FRZB: variants seen among roughly 807,000 people sequenced by gnomAD.
The protein encoded by FRZB is secreted frizzled-related protein 3.
In FRZB, 34 loss-of-function variants were observed where a neutral mutation model predicts 32.5. The observed-to-expected ratio is 1.05, with a 90% CI of 0.80 to 1.39. The LOEUF is 1.39. Among genes scored for constraint, FRZB ranks in the 40% most tolerant of loss-of-function variants. The pLI is 0.00. For missense variants in FRZB, 423 were observed against 424.8 expected, an observed-to-expected ratio of 1.00 and a Z score of 0.04; for synonymous variants, 170 against 159.2, an observed-to-expected ratio of 1.07 and a Z score of -0.51.
At chr2:182,850,343 C>T (rs943128650) in intron 2 of FRZB, among the ~76,000 whole-genome samples, 9 of 152,134 alleles carry the variant, frequency 5.9e-5, no homozygotes, top group African/African-American at 9.7e-5. Flanking sequence ...GTATATTTGT[C>T]CTCATTAATC....
intron 2 of FRZB, among the ~76,000 whole-genome samples, chr2:182,844,348 C>A (rs1234183202): frequency 6.6e-6 from 1 of 152,014 alleles, no homozygotes; most frequent in African/African-American, 2.4e-5. Context: ...TAAAAGAGAA[C>A]AAAAAGTTAC....
chr2:182,858,731 C>T, intron 2 of FRZB, 55 bp downstream of exon 2: 1 of 1,371,978 alleles, frequency 7.3e-7, no homozygotes, highest in Non-Finnish European at 1.0e-6. Context: ...ATCTAAATTA[C>T]ATCAATGACT....
rs750267646 is a variant in FRZB, at chr2:182,838,525, C to CAA, written c.680_681insTT (p.Val228TrpfsTer2). The stretch of plus-strand genomic sequence containing the variant: ...TGACAGTGTCCCGTGGAATGTTTAC[C>CAA]AGAGAGGACTTTAGAATCTCCTTCA... On this transcript the variant is annotated frameshift_variant, in exon 4 of 6. Transcript: ENST00000295113. LOFTEE classifies it high-confidence loss of function. The CAA allele has an allele frequency of 6.8e-6, 11 of 1,612,942 alleles. No individual in the cohort carries two copies. The highest frequency in any genetic ancestry group is 9.3e-6 in the Non-Finnish European group (11 of 1,179,224).
chr2:182,863,623 T>C (rs1187029849), intron 1 of FRZB, among the ~76,000 whole-genome samples: 1 of 152,204 alleles, frequency 6.6e-6, no homozygotes, highest in Admixed American at 6.5e-5. Flanking sequence ...CTCATTTTTA[T>C]ATCTAGTTGG....
intron 1 of FRZB, among the ~76,000 whole-genome samples, chr2:182,861,297 C>T (rs1447458605): frequency 1.3e-5 from 2 of 152,202 alleles, no homozygotes; most frequent in East Asian, 3.8e-4. Context: ...TTCTTACTAG[C>T]TCTGCTAACT....
chr2:182,836,138 G>A (rs2105750680), intron 5 of FRZB, among the ~76,000 whole-genome samples: 1 of 152,030 alleles, frequency 6.6e-6, no homozygotes. Context: ...TCCCAAGGAA[G>A]TCCAAACATC....
Position 182,834,951 on chromosome 2 carries a change from C to T in FRZB, c.876G>A (p.Lys292=). The T allele has an allele frequency of 6.2e-7, 1 of 1,611,328 alleles. No homozygotes were observed. The highest frequency in any genetic ancestry group is 8.5e-7 in the Non-Finnish European group (1 of 1,177,704). ...LGKKVKRWDM[K]LRHLGLSKSD... is the part of the protein sequence containing the mutation. Reference sequence around the variant, plus strand: ...TTTTACTGAGTCCAAGATGACGAAGCTTCATATCCCAGCGCTGTGAAATTT... The same window carrying T: ...TTTTACTGAGTCCAAGATGACGAAGTTTCATATCCCAGCGCTGTGAAATTT... Residue 292 remains lysine (K), a synonymous_variant, in exon 6 of 6, where the codon AAG becomes AAA. Transcript: ENST00000295113.
intron 2 of FRZB, among the ~76,000 whole-genome samples, chr2:182,850,863 T>C (rs1695702380): frequency 6.6e-6 from 1 of 152,212 alleles, no homozygotes; most frequent in Non-Finnish European, 1.5e-5. Context: ...GAGTTCCCCT[T>C]TTTCCACATC....
intron 1 of FRZB, among the ~76,000 whole-genome samples, chr2:182,860,638 A>T (rs1695821005): frequency 6.6e-6 from 1 of 152,138 alleles, no homozygotes; most frequent in Admixed American, 6.6e-5. Context: ...AGGCCAAGGC[A>T]GGCAGATCAT....
At chr2:182,840,324 T>A (rs2105753014) in intron 3 of FRZB, among the ~76,000 whole-genome samples, 1 of 152,242 alleles carries the variant, frequency 6.6e-6, no homozygotes, top group Non-Finnish European at 1.5e-5. Flanking sequence ...ATAGCATCCA[T>A]CAACTATTAG....
rs1695551265 is a variant in FRZB, at chr2:182,838,452, C to T, written c.754G>A (p.Glu252Lys). Residue 252 changes from glutamate to lysine, a missense_variant, in exon 4 of 6, where the codon GAG becomes AAG. By Grantham distance (56) the Glu-to-Lys change is moderately conservative. Coordinates refer to ENST00000295113, the MANE Select transcript of FRZB (RefSeq NM_001463.4). ...TCATAGCCCATGATGATATATTCCT[C>T]ATTAACATTAAGTGGAGGGCAGAGG... ...GCLCPPLNVN[E>K]EYIIMGYEDE... The T allele has an allele frequency of 6.2e-7, 1 of 1,612,802 alleles. No individual in the cohort carries two copies. Among genetic ancestry groups the T allele is most frequent in the Non-Finnish European group, 8.5e-7 (1 of 1,179,136 alleles).
rs544413887 is a variant in FRZB, at chr2:182,845,697, C to T, written c.527-3154G>A. Among the ~76,000 whole-genome samples the T allele has an allele frequency of 4.6e-5, 7 of 152,260 alleles. No homozygotes were observed. The South Asian group carries it at 1.0e-3, about 23-fold the overall frequency. On this transcript the variant is annotated intron_variant, in intron 2 of 5. Coordinates refer to ENST00000295113, the MANE Select transcript of FRZB (RefSeq NM_001463.4). ...TCAAAGCCTGAAATTAATACAATAC[C>T]TTCAATTGTGGGACAGAGTGCAGTG...
At chr2:182,843,872 A>T (rs1308805510) in intron 2 of FRZB, among the ~76,000 whole-genome samples, 2 of 152,086 alleles carry the variant, frequency 1.3e-5, no homozygotes, top group Non-Finnish European at 2.9e-5. Context: ...TCAAAGCTGC[A>T]GTGAGCCAAG....
In FRZB at chr2:182,861,261, A is replaced by G. The variant is rs115826171; in HGVS notation, c.479-2428T>C. Among the ~76,000 whole-genome samples the G allele has an allele frequency of 4.1e-3, 629 of 152,380 alleles. 7 individuals carry two copies. Among genetic ancestry groups the G allele is most frequent in the African/African-American group, 0.014 (589 of 41,578 alleles). On this transcript the variant is annotated intron_variant, in intron 1 of 5. Coordinates refer to ENST00000295113, the MANE Select transcript of FRZB (RefSeq NM_001463.4). ...TCTTAAGGGACAAAGTGTAGTGTAG[A>G]ACAGGCTCTGCTTCGAATTCTCTTT...
chr2:182,853,534 A>T (rs1402329937), intron 2 of FRZB, among the ~76,000 whole-genome samples: 1 of 152,202 alleles, frequency 6.6e-6, no homozygotes, highest in Non-Finnish European at 1.5e-5. Flanking sequence ...ATTGAAAAAC[A>T]TTATCAATTA....
chr2:182,846,105 C>A (rs1246372398), intron 2 of FRZB, among the ~76,000 whole-genome samples: 2 of 152,160 alleles, frequency 1.3e-5, no homozygotes, highest in African/African-American at 4.8e-5. Flanking sequence ...TTTGCTCATA[C>A]AAATATGCTC....
intron 5 of FRZB, 78 bp from the exon 6 acceptor site, chr2:182,835,043 C>T: frequency 9.8e-7 from 1 of 1,020,910 alleles, no homozygotes; most frequent in Non-Finnish European, 1.5e-6. Flanking sequence ...ACAACTGGGT[C>T]AGACTGCAAG....
Position 182,836,290 on chromosome 2 carries a change from C to T in FRZB, c.862-1325G>A, listed in dbSNP as rs149959594. ...AATCTGATTGAAAAAATAACATCCT[C>T]CATAAAACTCTTTTTACACATCTTC... On this transcript the variant is annotated intron_variant, in intron 5 of 5. Coordinates refer to ENST00000295113, the MANE Select transcript of FRZB (RefSeq NM_001463.4). Among the ~76,000 whole-genome samples the T allele has an allele frequency of 2.0e-3, 303 of 152,090 alleles. 1 individual carries two copies. The highest frequency in any genetic ancestry group is 3.1e-3 in the Non-Finnish European group (210 of 67,958).
intron 1 of FRZB, among the ~76,000 whole-genome samples, chr2:182,862,829 C>T (rs868721697): frequency 6.6e-6 from 1 of 151,516 alleles, no homozygotes; most frequent in Non-Finnish European, 1.5e-5. Flanking sequence ...AGTGCAGTGG[C>T]GCCATCTCAG....
Sources: gnomAD v4.1 joint callset for allele counts (sites outside exome capture counted in the v4.1 genomes callset) on GRCh38, gnomAD v4.1.1 for gene constraint, MANE v1.5 for transcripts, NCBI Gene and HGNC (gene_info 2026-07-23, HGNC 2026-07-21) for gene names.